LUZP2: variants seen among roughly 807,000 people sequenced by gnomAD.
LUZP2 encodes leucine zipper protein 2.
Under a neutral mutation model 51.6 loss-of-function variants are expected in LUZP2, and 52 were observed. That is an observed-to-expected ratio of 1.01 (90% CI 0.81 to 1.27). The LOEUF (loss-of-function observed/expected upper bound fraction) is 1.27. LUZP2 is among the 50% of genes most tolerant of loss of function. The probability of loss-of-function intolerance (pLI) is 0.00; values close to 1 mark genes in which losing one functional copy is unlikely to be tolerated. For synonymous variants in LUZP2, 154 were observed against 137.3 expected, an observed-to-expected ratio of 1.12 and a Z score of -0.85; for missense variants, 436 against 395.4, an observed-to-expected ratio of 1.10 and a Z score of -0.87.
intron 1 of LUZP2, among the ~76,000 whole-genome samples, chr11:24,579,031 C>T (rs1281951754): frequency 6.6e-6 from 1 of 151,894 alleles, no homozygotes; most frequent in East Asian, 1.9e-4. Context: ...TATATAGCAC[C>T]ATTTAAAACC....
At chr11:24,554,510 C>A (rs1851809714) in intron 1 of LUZP2, among the ~76,000 whole-genome samples, 1 of 151,878 alleles carries the variant, frequency 6.6e-6, no homozygotes, top group Admixed American at 6.6e-5. Context: ...ACTTTCAATG[C>A]AGCTTGTTGT....
intron 3 of LUZP2, among the ~76,000 whole-genome samples, chr11:24,735,301 T>C (rs2716448): frequency 6.6e-6 from 1 of 151,572 alleles, no homozygotes; most frequent in Non-Finnish European, 1.5e-5. Flanking sequence ...TCATAGGAGA[T>C]TCCCCAGGTG....
At chr11:24,660,261 A>T (rs998702371) in intron 1 of LUZP2, among the ~76,000 whole-genome samples, 3 of 152,164 alleles carry the variant, frequency 2.0e-5, no homozygotes, top group Non-Finnish European at 4.4e-5. Context: ...TTTTAAACCA[A>T]TAAGTTTGTA....
chr11:24,719,480 A>G (rs1433686502), intron 1 of LUZP2, among the ~76,000 whole-genome samples: 2 of 152,222 alleles, frequency 1.3e-5, no homozygotes, highest in Admixed American at 6.5e-5. Context: ...CAAAATAATA[A>G]TTCCTTTTAA....
At chr11:24,539,346 G>A (rs895043155) in intron 1 of LUZP2, among the ~76,000 whole-genome samples, 1 of 151,814 alleles carries the variant, frequency 6.6e-6, no homozygotes, top group Non-Finnish European at 1.5e-5. Flanking sequence ...TGTGCTATCT[G>A]TTATAATTAT....
At chr11:24,889,411 G>A (rs1460705928) in intron 5 of LUZP2, among the ~76,000 whole-genome samples, 1 of 152,096 alleles carries the variant, frequency 6.6e-6, no homozygotes, top group South Asian at 2.1e-4. Flanking sequence ...CCATATTCAG[G>A]TCTTCTTTTT....
chr11:24,592,512 C>T (rs1470317928), intron 1 of LUZP2, among the ~76,000 whole-genome samples: 1 of 152,086 alleles, frequency 6.6e-6, no homozygotes. Flanking sequence ...TTCCTCAGTT[C>T]TCATTGTCTC....
rs373336160 is a variant in LUZP2, at chr11:24,538,711, G to T, written c.62+41406G>T. On this transcript the variant is annotated intron_variant, in intron 1 of 11. Coordinates refer to ENST00000336930, the MANE Select transcript of LUZP2 (RefSeq NM_001009909.4). ...CTTTCAAAAAAATAAGTCCATTTCT[G>T]ATAATTTATTTTGTAAAAATAATTG... 1.2e-4 allele frequency among the ~76,000 whole-genome samples: 18 copies of T among 151,308 alleles called. No homozygotes were observed. In the East Asian group the frequency reaches 1.9e-3, roughly 16 times the overall value.
At chr11:24,924,791 A>T (rs576662829) in intron 7 of LUZP2, among the ~76,000 whole-genome samples, 3 of 152,304 alleles carry the variant, frequency 2.0e-5, no homozygotes, top group African/African-American at 7.2e-5. Context: ...TGATAGGTGG[A>T]TTTAAAGATT....
At chr11:24,798,541 AG>A (rs1002207755) in intron 5 of LUZP2, among the ~76,000 whole-genome samples, 2 of 152,196 alleles carry the variant, frequency 1.3e-5, no homozygotes, top group African/African-American at 4.8e-5. Context: ...TTGCGCCACA[AG>A]GGGAAGGAGT....
chr11:24,765,683 C>T (rs1369536255), intron 5 of LUZP2, among the ~76,000 whole-genome samples: 3 of 149,048 alleles, frequency 2.0e-5, no homozygotes, highest in Non-Finnish European at 4.5e-5. Context: ...GCTGGAGTGC[C>T]GTGGCTTGAT....
intron 1 of LUZP2, among the ~76,000 whole-genome samples, chr11:24,607,212 C>G (rs1305702602): frequency 6.6e-5 from 10 of 150,708 alleles, no homozygotes; most frequent in African/African-American, 2.4e-4. Flanking sequence ...AAAAAATTGT[C>G]AAAAACAATG....
intron 1 of LUZP2, among the ~76,000 whole-genome samples, chr11:24,596,262 A>C (rs960822839): frequency 3.9e-5 from 6 of 152,194 alleles, no homozygotes; most frequent in Admixed American, 3.9e-4. Context: ...TACTTTTAAA[A>C]CTATTTCCTA....
chr11:24,508,502 G>A (rs1185595419), intron 1 of LUZP2, among the ~76,000 whole-genome samples: 1 of 152,080 alleles, frequency 6.6e-6, no homozygotes, highest in Non-Finnish European at 1.5e-5. Context: ...TATGTGTGGA[G>A]GCTGTTTTTT....
At chr11:24,525,432 T>C (rs1382313454) in intron 1 of LUZP2, among the ~76,000 whole-genome samples, 1 of 151,536 alleles carries the variant, frequency 6.6e-6, no homozygotes, top group African/African-American at 2.4e-5. Flanking sequence ...AACTCTGAGC[T>C]AACTTCCAGG....
In LUZP2 at chr11:24,914,473, C is replaced by A; in HGVS notation, c.460-3C>A. The A allele has an allele frequency of 6.2e-7, 1 of 1,600,804 alleles. No homozygotes were observed. The highest frequency in any genetic ancestry group is 8.5e-7 in the Non-Finnish European group (1 of 1,172,882). Reference sequence around the variant, plus strand: ...ACAACTTATCCATGTTTTTGCCTTACAGTCAAAAAAAATCCAAGCCCAGCT... The same window carrying A: ...ACAACTTATCCATGTTTTTGCCTTAAAGTCAAAAAAAATCCAAGCCCAGCT... On this transcript the variant is annotated splice_region_variant and splice_polypyrimidine_tract_variant and intron_variant, in intron 6 of 11. Transcript: ENST00000336930.
intron 7 of LUZP2, among the ~76,000 whole-genome samples, chr11:24,932,703 G>C (rs866727875): frequency 0.012 from 1,866 of 152,236 alleles, 48 homozygotes; most frequent in African/African-American, 0.041. Context: ...GCAGGACTGA[G>C]AACTTGCCCC....
chr11:24,755,502 G>T (rs1859740788), intron 4 of LUZP2, among the ~76,000 whole-genome samples: 1 of 152,092 alleles, frequency 6.6e-6, no homozygotes, highest in African/African-American at 2.4e-5. Context: ...AGCTATTATA[G>T]ATAAAAATAA....
At chr11:24,994,112 G>A (rs993402134) in intron 9 of LUZP2, among the ~76,000 whole-genome samples, 1 of 149,328 alleles carries the variant, frequency 6.7e-6, no homozygotes, top group Non-Finnish European at 1.5e-5. Flanking sequence ...GCCTGCCTCA[G>A]CCTCCCAAAG....
Sources: gnomAD v4.1 joint callset for allele counts (sites outside exome capture counted in the v4.1 genomes callset) on GRCh38, gnomAD v4.1.1 for gene constraint, MANE v1.5 for transcripts, NCBI Gene and HGNC (gene_info 2026-07-23, HGNC 2026-07-21) for gene names.